AKAP19: variants seen among roughly 807,000 people sequenced by gnomAD.
The protein encoded by AKAP19 is A-kinase anchoring protein 19.
At chr2:189,979,706 A>T in the AKAP19 span, among the ~76,000 whole-genome samples, 1 of 152,148 alleles carries the variant, frequency 6.6e-6, no homozygotes, top group Non-Finnish European at 1.5e-5. Context: ...AATCTATAAG[A>T]AACTTAAACA....
the AKAP19 span, chr2:190,056,556 CTTACA>C: frequency 1.3e-5 from 2 of 152,536 alleles, no homozygotes; most frequent in Non-Finnish European, 2.9e-5. Flanking sequence ...AATGATTCTT[CTTACA>C]TTAAAGAAAA....
At chr2:190,053,753 CATATT>C in the AKAP19 span, among the ~76,000 whole-genome samples, 35 of 152,062 alleles carry the variant, frequency 2.3e-4, no homozygotes, top group African/African-American at 8.2e-4. Context: ...TGGATTTTAT[CATATT>C]ATAGTTTAAT....
At chr2:190,141,436 TCA>T in the AKAP19 span, among the ~76,000 whole-genome samples, 1 of 152,192 alleles carries the variant, frequency 6.6e-6, no homozygotes, top group Admixed American at 6.5e-5. Context: ...TTTAATTGAC[TCA>T]CAATTCTGCA....
the AKAP19 span, among the ~76,000 whole-genome samples, chr2:190,142,594 T>C: frequency 6.6e-6 from 1 of 152,202 alleles, no homozygotes. Context: ...TGTGAAATCT[T>C]ATATGCCAGT....
the AKAP19 span, among the ~76,000 whole-genome samples, chr2:190,028,793 A>G: frequency 6.6e-6 from 1 of 152,230 alleles, no homozygotes; most frequent in African/African-American, 2.4e-5. Context: ...AATAATATAG[A>G]TGGAAAAAAC....
chr2:189,904,041 T>A, the AKAP19 span, among the ~76,000 whole-genome samples: 4 of 151,874 alleles, frequency 2.6e-5, no homozygotes, highest in African/African-American at 9.7e-5. Flanking sequence ...TTGCAAGTTT[T>A]AAATGAGAGT....
chr2:189,923,159 T>A, the AKAP19 span, among the ~76,000 whole-genome samples: 6 of 151,182 alleles, frequency 4.0e-5, no homozygotes, highest in African/African-American at 1.5e-4. Flanking sequence ...TCTAAAAAAA[T>A]AAATAAATAG....
the AKAP19 span, among the ~76,000 whole-genome samples, chr2:190,196,343 C>T: frequency 6.6e-6 from 1 of 152,096 alleles, no homozygotes. Context: ...GTAGTCCACA[C>T]AATGAATTTT....
chr2:189,998,135 C>T, the AKAP19 span, among the ~76,000 whole-genome samples: 1 of 152,152 alleles, frequency 6.6e-6, no homozygotes, highest in East Asian at 1.9e-4. Flanking sequence ...TGGAAAGTCA[C>T]AGTTTTTTGT....
chr2:190,176,556 G>C, the AKAP19 span, among the ~76,000 whole-genome samples: 1 of 152,056 alleles, frequency 6.6e-6, no homozygotes, highest in Non-Finnish European at 1.5e-5. This position sits in a 1 kb window ranked among gnomAD's most constrained non-coding sequence, Gnocchi z 4.7. Flanking sequence ...CAGTATGTTG[G>C]CCAGGCTGGT....
chr2:189,945,886 T>A, the AKAP19 span, among the ~76,000 whole-genome samples: 3 of 152,222 alleles, frequency 2.0e-5, no homozygotes, highest in Admixed American at 6.5e-5. Flanking sequence ...TCTGGACTAA[T>A]TTCTCCAGTA....
chr2:189,958,907 A>G, the AKAP19 span, among the ~76,000 whole-genome samples: 1 of 152,124 alleles, frequency 6.6e-6, no homozygotes. Flanking sequence ...AAAAGTAAAC[A>G]TAAGTTGAGC....
the AKAP19 span, among the ~76,000 whole-genome samples, chr2:189,931,871 C>T: frequency 6.6e-6 from 1 of 152,160 alleles, no homozygotes; most frequent in Non-Finnish European, 1.5e-5. Flanking sequence ...GATCTACCCA[C>T]CTTGTCCTCT....
the AKAP19 span, among the ~76,000 whole-genome samples, chr2:190,097,630 G>C: frequency 6.6e-6 from 1 of 152,072 alleles, no homozygotes; most frequent in Non-Finnish European, 1.5e-5. Context: ...TAAGTTTACG[G>C]AATGTTCTAA....
the AKAP19 span, among the ~76,000 whole-genome samples, chr2:189,915,575 T>A: frequency 1.3e-5 from 2 of 152,052 alleles, no homozygotes; most frequent in Admixed American, 6.6e-5. Context: ...AAGAAAAAAA[T>A]TTGAAATTTA....
the AKAP19 span, among the ~76,000 whole-genome samples, chr2:190,085,760 C>T: frequency 2.4e-3 from 372 of 152,280 alleles, no homozygotes; most frequent in Non-Finnish European, 4.6e-3. Context: ...CATACAGTGA[C>T]AAAACATTTC....
chr2:189,949,211 C>T, the AKAP19 span, among the ~76,000 whole-genome samples: 4 of 152,126 alleles, frequency 2.6e-5, no homozygotes, highest in Admixed American at 2.6e-4. Context: ...TTCCATCTGC[C>T]TTCAGTTGCA....
chr2:190,130,224 A>G, the AKAP19 span, among the ~76,000 whole-genome samples: 1 of 152,146 alleles, frequency 6.6e-6, no homozygotes, highest in Non-Finnish European at 1.5e-5. Flanking sequence ...CAGTTTCTCA[A>G]AGAAGGAGTA....
the AKAP19 span, among the ~76,000 whole-genome samples, chr2:190,190,615 TAAGA>T: frequency 6.6e-6 from 1 of 152,318 alleles, no homozygotes; most frequent in Non-Finnish European, 1.5e-5. Flanking sequence ...GTTAACTTTT[TAAGA>T]AACAGCCAAG....
Sources: allele counts gnomAD v4.1 joint callset (sites outside exome capture counted in the v4.1 genomes callset), GRCh38; gene constraint gnomAD v4.1.1; non-coding constraint Gnocchi (gnomAD v3.1); transcripts MANE v1.5; gene names NCBI Gene and HGNC (gene_info 2026-07-23, HGNC 2026-07-21).